Variants in ROBO2 observed in about 807,000 individuals in gnomAD.
The protein encoded by ROBO2 is roundabout homolog 2.
ROBO2 carries 53 observed loss-of-function variants against 160.8 expected under a neutral mutation model. The ratio of observed to expected loss-of-function variants is 0.33; its 90% CI spans 0.26 to 0.41. ROBO2 has a LOEUF of 0.41. Ranked by LOEUF, ROBO2 falls within the 10% of genes least tolerant of loss-of-function variation. ROBO2 has a pLI of 1.00. For missense variants in ROBO2, 1,577 were observed against 1,722.4 expected (o/e 0.92, Z 1.49); for synonymous variants, 664 against 611.7 (o/e 1.09, Z -1.26).
At chr3:77,366,423 A>T (rs1296924182) in intron 2 of ROBO2, among the ~76,000 whole-genome samples, 1 of 151,998 alleles carries the variant, frequency 6.6e-6, no homozygotes. Context: ...GCCATCAGCC[A>T]TATGAGGACT....
intron 2 of ROBO2, among the ~76,000 whole-genome samples, chr3:76,402,138 C>G (rs1234650936): frequency 1.3e-5 from 2 of 151,444 alleles, no homozygotes; most frequent in Non-Finnish European, 3.0e-5. Flanking sequence ...ACTTCTTTTA[C>G]TTGTGATTTT....
intron 2 of ROBO2, among the ~76,000 whole-genome samples, chr3:77,364,807 G>A (rs2070595671): frequency 6.6e-6 from 1 of 152,152 alleles, no homozygotes; most frequent in Admixed American, 6.6e-5. Context: ...TGGGAGAGGA[G>A]AATGTGAATC....
rs1364869934 is a variant in ROBO2, at chr3:76,384,278, A to G, written c.109+446676A>G. 7.2e-5 allele frequency among the ~76,000 whole-genome samples: 11 copies of G among 152,184 alleles called. No homozygotes were observed. The East Asian group carries it at 2.1e-3, about 29-fold the overall frequency. Reference sequence around the variant, plus strand: ...TCTTGATTTAGCTTTTTAGTATGCTATTTATTCTCAATAAGTAGCTTAGTT... The same window carrying G: ...TCTTGATTTAGCTTTTTAGTATGCTGTTTATTCTCAATAAGTAGCTTAGTT... On this transcript the variant is annotated intron_variant, in intron 2 of 26. Coordinates refer to the ROBO2 transcript ENST00000487694.
rs145087233 is a variant in ROBO2, at chr3:76,286,493, A to C, written c.109+348891A>C. On this transcript the variant is annotated intron_variant, in intron 2 of 26. Transcript: ENST00000487694. ...ATGATAAAAAAAGAGGGACAATATT[A>C]ATTTTCATTTTTCAGCATCACTTTG... 3.4e-3 allele frequency among the ~76,000 whole-genome samples: 519 copies of C among 152,198 alleles called. 6 individuals carry two copies. Among genetic ancestry groups the C allele is most frequent in the Admixed American group, 0.025 (380 of 15,282 alleles).
At chr3:77,131,024 A>C (rs2075809630) in intron 2 of ROBO2, among the ~76,000 whole-genome samples, 1 of 152,044 alleles carries the variant, frequency 6.6e-6, no homozygotes, top group African/African-American at 2.4e-5. Context: ...TTCCTTTGAA[A>C]TATATATATT....
At chr3:76,233,512 T>C (rs1019828842) in intron 2 of ROBO2, among the ~76,000 whole-genome samples, 1 of 152,178 alleles carries the variant, frequency 6.6e-6, no homozygotes, top group East Asian at 1.9e-4. Flanking sequence ...ATCTGGAATA[T>C]AGCATTTACT....
intron 2 of ROBO2, among the ~76,000 whole-genome samples, chr3:77,302,218 A>G (rs2062722631): frequency 2.0e-5 from 3 of 152,054 alleles, no homozygotes; most frequent in Admixed American, 6.6e-5. Flanking sequence ...CTGGGATTAC[A>G]GGTTTGAGCC....
At chr3:76,475,882 G>A (rs543914308) in intron 2 of ROBO2, among the ~76,000 whole-genome samples, 74 of 152,274 alleles carry the variant, frequency 4.9e-4, no homozygotes, top group Admixed American at 1.4e-3. Flanking sequence ...GCCAGGCACC[G>A]TGGCTCATGC....
intron 2 of ROBO2, among the ~76,000 whole-genome samples, chr3:76,952,183 T>A (rs565550490): frequency 8.7e-4 from 133 of 152,334 alleles, no homozygotes; most frequent in African/African-American, 2.9e-3. Flanking sequence ...TAATATTTTT[T>A]AAATCATCTG....
intron 2 of ROBO2, among the ~76,000 whole-genome samples, chr3:77,271,866 A>G (rs556402348): frequency 7.9e-5 from 12 of 152,290 alleles, no homozygotes; most frequent in African/African-American, 2.6e-4. Flanking sequence ...CATCTTCTGA[A>G]CAGGTTCTTA....
chr3:76,556,678 C>T (rs1230702980), intron 2 of ROBO2, among the ~76,000 whole-genome samples: 1 of 151,946 alleles, frequency 6.6e-6, no homozygotes, highest in Non-Finnish European at 1.5e-5. Flanking sequence ...TTTCCAAAAG[C>T]CTTAGTTATC....
At chr3:77,040,516 G>T in exon 1 of ROBO2, 1 of 1,350,524 alleles carries the variant, frequency 7.4e-7, no homozygotes, top group Non-Finnish European at 9.5e-7. Flanking sequence ...CCTCTGGCTG[G>T]GCTGAATTTG....
intron 2 of ROBO2, among the ~76,000 whole-genome samples, chr3:77,419,035 T>C (rs559213583): frequency 6.6e-6 from 1 of 152,106 alleles, no homozygotes; most frequent in Non-Finnish European, 1.5e-5. Flanking sequence ...AATCAAGGTT[T>C]GGTTCTTTCT....
intron 2 of ROBO2, among the ~76,000 whole-genome samples, chr3:77,133,576 G>A (rs992115016): frequency 2.0e-5 from 3 of 151,498 alleles, no homozygotes; most frequent in African/African-American, 7.3e-5. Flanking sequence ...AAAAGGCAAA[G>A]AAACAGCAAT....
chr3:77,480,429 G>C (rs735190), intron 3 of ROBO2, among the ~76,000 whole-genome samples: 78,359 of 151,844 alleles, frequency 0.52, 20,632 homozygotes, highest in Admixed American at 0.63. Flanking sequence ...GCCAATAAAT[G>C]CTTCTCATTT....
intron 6 of ROBO2, among the ~76,000 whole-genome samples, chr3:77,532,172 C>T (rs2153635615): frequency 6.6e-6 from 1 of 151,800 alleles, no homozygotes; most frequent in Admixed American, 6.6e-5. Context: ...GTCCATTGAA[C>T]AGGAGGAGAG....
At chr3:77,473,199 C>T (rs1056199781) in intron 2 of ROBO2, among the ~76,000 whole-genome samples, 2 of 151,910 alleles carry the variant, frequency 1.3e-5, no homozygotes, top group Non-Finnish European at 2.9e-5. Flanking sequence ...AGTTGGCCAC[C>T]CCATCCCAAC....
At chr3:76,283,209 A>G (rs1708337673) in intron 2 of ROBO2, among the ~76,000 whole-genome samples, 1 of 141,540 alleles carries the variant, frequency 7.1e-6, no homozygotes, top group Non-Finnish European at 1.5e-5. Flanking sequence ...GTTAAGAGGT[A>G]GTAATAATCT....
intron 2 of ROBO2, among the ~76,000 whole-genome samples, chr3:76,535,694 C>A (rs1208343187): frequency 6.6e-6 from 1 of 151,968 alleles, no homozygotes; most frequent in Non-Finnish European, 1.5e-5. Flanking sequence ...AAGTTGACAC[C>A]AGAGTGGGGG....
Sources: allele counts gnomAD v4.1 joint callset (sites outside exome capture counted in the v4.1 genomes callset), GRCh38; gene constraint gnomAD v4.1.1; transcripts MANE v1.5; gene names NCBI Gene and HGNC (gene_info 2026-07-23, HGNC 2026-07-21).